TENT4A: variants seen among roughly 807,000 people sequenced by gnomAD.
The protein encoded by TENT4A is terminal nucleotidyltransferase 4A, also known as DNA polymerase kappa.
In TENT4A, 7 loss-of-function variants were observed where a neutral mutation model predicts 72.8. The ratio of observed to expected loss-of-function variants is 0.10; its 90% CI spans 0.05 to 0.18. The LOEUF (loss-of-function observed/expected upper bound fraction) is 0.18, where lower values mean the gene tolerates loss of function less well. TENT4A is among the 10% of genes least tolerant of loss of function. TENT4A has a pLI of 1.00. For synonymous variants in TENT4A, 456 were observed against 434.3 expected (o/e 1.05, Z -0.62); for missense variants, 831 against 1,017.7 (o/e 0.82, Z 2.50).
At chr5:6,752,487 G>A (rs1175765584) in intron 11 of TENT4A, among the ~76,000 whole-genome samples, 1 of 152,252 alleles carries the variant, frequency 6.6e-6, no homozygotes, top group African/African-American at 2.4e-5. Flanking sequence ...GGAACTGCCA[G>A]CCGTCCCACG....
chr5:6,723,229 C>T (rs77190611), intron 1 of TENT4A, among the ~76,000 whole-genome samples: 2,816 of 142,974 alleles, frequency 0.02, 35 homozygotes, highest in South Asian at 0.044. Flanking sequence ...AAAATAGGTT[C>T]ATAGCAGAGC....
At chr5:6,721,063 T>C (rs1436774430) in intron 1 of TENT4A, among the ~76,000 whole-genome samples, 1 of 152,164 alleles carries the variant, frequency 6.6e-6, no homozygotes, top group Non-Finnish European at 1.5e-5. Context: ...CCCCTGAGTG[T>C]TTGGCTCTTG....
At chr5:6,740,166 C>T (rs1447367166) in intron 4 of TENT4A, among the ~76,000 whole-genome samples, 4 of 152,144 alleles carry the variant, frequency 2.6e-5, no homozygotes, top group Admixed American at 6.5e-5. Context: ...CATCTGAAAC[C>T]GGACACTGAC....
intron 1 of TENT4A, among the ~76,000 whole-genome samples, chr5:6,727,184 C>T (rs908117310): frequency 6.6e-6 from 1 of 152,198 alleles, no homozygotes; most frequent in African/African-American, 2.4e-5. Flanking sequence ...GCTGGGCTCC[C>T]TCTTCCCTTC....
intron 1 of TENT4A, among the ~76,000 whole-genome samples, chr5:6,731,997 C>T (rs1741240188): frequency 6.6e-6 from 1 of 152,226 alleles, no homozygotes; most frequent in African/African-American, 2.4e-5. Flanking sequence ...TGACCTTTGC[C>T]TTTTTTGCCC....
chr5:6,728,348 C>G (rs1741043698), intron 1 of TENT4A, among the ~76,000 whole-genome samples: 2 of 152,198 alleles, frequency 1.3e-5, no homozygotes, highest in African/African-American at 4.8e-5. Context: ...CCTCAGAATT[C>G]CACTCAGCAC....
chr5:6,723,433 C>T (rs274714), intron 1 of TENT4A, among the ~76,000 whole-genome samples: 48,121 of 152,086 alleles, frequency 0.32, 8,516 homozygotes, highest in East Asian at 0.45. Flanking sequence ...GCTCTCTGCA[C>T]GAGTTTGCTC....
Position 6,714,695 on chromosome 5 carries a change from CAGGGG to C in TENT4A, c.713_716+1del. On this transcript the variant is annotated splice_donor_variant and coding_sequence_variant, in exon 1 of 13. Transcript: ENST00000230859. LOFTEE classifies it high-confidence loss of function. ...GAGCCGCGCGTACAGCCCGGGCATC[CAGGGG>C]TGAGTGCGCGGGGAGGCCGCGGGGG... 1.7e-6 allele frequency: 2 copies of C among 1,191,528 alleles called. No homozygotes were observed. Among genetic ancestry groups the C allele is most frequent in the East Asian group, 3.6e-5 (1 of 27,952 alleles). 73.8% of individuals were successfully genotyped at this position (1,191,528 alleles called of 1,614,324 possible). A position where few individuals can be genotyped will look rare whatever the true frequency, so the allele number is the denominator to read the frequency against.
chr5:6,748,725 T>C (rs941426779), intron 8 of TENT4A, 135 bp downstream of exon 8: 23 of 900,388 alleles, frequency 2.6e-5, no homozygotes, highest in Non-Finnish European at 3.7e-5. Context: ...GATATGTTGG[T>C]GAAGGAAGGC....
In TENT4A at chr5:6,749,531, T is replaced by G. The variant is rs747761477; in HGVS notation, c.1587-26T>G. 26 of 1,486,078 alleles carry G rather than the reference T, an allele frequency of 1.7e-5. No homozygotes were observed. The South Asian group carries it at 2.6e-4, about 15-fold the overall frequency. 92.1% of individuals were successfully genotyped at this position (1,486,078 alleles called of 1,614,324 possible). The stretch of plus-strand genomic sequence containing the variant: ...CTCCCTGACACCTGTTGTACTCTGT[T>G]GATCTCCAACAATGTCCCTTTGCAG... On this transcript the variant is annotated intron_variant, in intron 8 of 12. Coordinates refer to ENST00000230859, the MANE Select transcript of TENT4A (RefSeq NM_006999.6).
chr5:6,745,352 T>C (rs1158229766), intron 6 of TENT4A, among the ~76,000 whole-genome samples: 2 of 152,168 alleles, frequency 1.3e-5, no homozygotes, highest in Non-Finnish European at 2.9e-5. Flanking sequence ...ACCGTGCTTC[T>C]CTGAGGGCTT....
chr5:6,752,445 A>G (rs528685597), intron 11 of TENT4A, among the ~76,000 whole-genome samples: 1 of 152,336 alleles, frequency 6.6e-6, no homozygotes, highest in South Asian at 2.1e-4. Flanking sequence ...CTGACATAGA[A>G]GCAGCCTGGG....
At position 6,714,001 on chromosome 5, in the gene TENT4A, C is replaced by T. The variant is rs1740228888; in HGVS notation, c.18C>T (p.Ala6=). Residue 6 remains alanine (A), a synonymous_variant, in exon 1 of 13, where the codon GCC becomes GCT. Transcript: ENST00000230859. MDPRV[A]WIQPEQKGPA... Reference sequence around the variant, plus strand: ...GCGCGTGGATGGATCCGCGCGTGGCCTGGATCCAGCCCGAGCAGAAGGGGC... The same window carrying T: ...GCGCGTGGATGGATCCGCGCGTGGCTTGGATCCAGCCCGAGCAGAAGGGGC... The T allele has an allele frequency of 6.1e-6, 6 of 981,828 alleles. No individual in the cohort carries two copies. Among genetic ancestry groups the T allele is most frequent in the Non-Finnish European group, 7.2e-6 (6 of 828,796 alleles). The allele number at this position is 981,828 out of a possible 1,614,324, so 60.8% of individuals were successfully genotyped here.
intron 3 of TENT4A, 80 bp downstream of exon 3, chr5:6,738,809 C>A: frequency 1.9e-6 from 2 of 1,042,122 alleles, no homozygotes; most frequent in Non-Finnish European, 3.0e-6. Flanking sequence ...CAAATAGATT[C>A]TTTGTAATTG....
In TENT4A at chr5:6,754,977, C is replaced by T. The variant is rs911799388; in HGVS notation, c.*32C>T. 5 of 1,531,160 alleles carry T rather than the reference C, an allele frequency of 3.3e-6. No individual in the cohort carries two copies. The highest frequency in any genetic ancestry group is 4.4e-6 in the Non-Finnish European group (5 of 1,129,888). 94.8% of individuals were successfully genotyped at this position (1,531,160 alleles called of 1,614,324 possible). A position where few individuals can be genotyped will look rare whatever the true frequency, so the allele number is the denominator to read the frequency against. On this transcript the variant is annotated 3_prime_UTR_variant, in exon 13 of 13. Transcript: ENST00000230859. ...CTGGCTGCGTCAGCCTCCCCCACCC[C>T]TCTGCAGACTGCCCCGCGGCCTCGG...
chr5:6,748,119 C>T (rs148208159), intron 7 of TENT4A, among the ~76,000 whole-genome samples: 1 of 152,308 alleles, frequency 6.6e-6, no homozygotes, highest in African/African-American at 2.4e-5. Flanking sequence ...CTTTGGCTTC[C>T]TCATGTTTCT....
intron 1 of TENT4A, among the ~76,000 whole-genome samples, chr5:6,726,675 G>A (rs1283739498): frequency 6.6e-6 from 1 of 152,148 alleles, no homozygotes; most frequent in Non-Finnish European, 1.5e-5. Flanking sequence ...AGGTGACTGG[G>A]CCCCTCCTTG....
rs1740226714 is a variant in TENT4A at position 6,713,951 on chromosome 5, CG to C, written c.-30del. ...GGGGGCGGGGCCGCGTCGGGGCGGG[CG>C]GGCGCGCGGGCCCCGCGGGGGCGGC... On this transcript the variant is annotated 5_prime_UTR_variant, in exon 1 of 13. Coordinates refer to ENST00000230859, the MANE Select transcript of TENT4A (RefSeq NM_006999.6). 1.1e-6 allele frequency: 1 copy of C among 905,794 alleles called. No individual in the cohort carries two copies. The highest frequency in any genetic ancestry group is 1.3e-6 in the Non-Finnish European group (1 of 760,678). 56.1% of individuals were successfully genotyped at this position (905,794 alleles called of 1,614,324 possible).
intron 9 of TENT4A, among the ~76,000 whole-genome samples, 176 bp downstream of exon 9, chr5:6,749,833 A>G (rs886979852): frequency 1.3e-5 from 2 of 152,230 alleles, no homozygotes; most frequent in African/African-American, 4.8e-5. Context: ...GAAGCAATAT[A>G]ATGCATGCCA....
Sources: gnomAD v4.1 joint callset for allele counts (sites outside exome capture counted in the v4.1 genomes callset) on GRCh38, gnomAD v4.1.1 for gene constraint, MANE v1.5 for transcripts, NCBI Gene and HGNC (gene_info 2026-07-23, HGNC 2026-07-21) for gene names.